STK32A: variants seen among roughly 807,000 people sequenced by gnomAD.
STK32A encodes the protein serine/threonine kinase 32A.
STK32A carries 41 observed loss-of-function variants against 53.2 expected under a neutral mutation model. The ratio of observed to expected loss-of-function variants is 0.77; its 90% CI spans 0.60 to 1.00. The LOEUF is 1.00. Ranked by LOEUF, STK32A falls within the 50% of genes least tolerant of loss-of-function variation. The pLI is 0.00. For synonymous variants in STK32A, 166 were observed against 162.8 expected (o/e 1.02, Z -0.15); for missense variants, 458 against 485.8 (o/e 0.94, Z 0.54).
intron 5 of STK32A, among the ~76,000 whole-genome samples, chr5:147,333,586 C>T (rs1477811371): frequency 2.0e-5 from 3 of 152,138 alleles, no homozygotes; most frequent in Admixed American, 6.5e-5. Flanking sequence ...ATGAAGATAG[C>T]TATACATACT....
chr5:147,359,720 C>T (rs1247359399), intron 7 of STK32A, among the ~76,000 whole-genome samples: 1 of 152,122 alleles, frequency 6.6e-6, no homozygotes, highest in Admixed American at 6.6e-5. Flanking sequence ...CATTACCTCC[C>T]AAATTGCACT....
chr5:147,282,882 G>T (rs1284158473), intron 4 of STK32A, among the ~76,000 whole-genome samples: 1 of 152,120 alleles, frequency 6.6e-6, no homozygotes, highest in Non-Finnish European at 1.5e-5. Context: ...CACTAGACAG[G>T]TCATCAAGAG....
At chr5:147,237,936 G>T (rs1423996229) in intron 1 of STK32A, among the ~76,000 whole-genome samples, 1 of 152,084 alleles carries the variant, frequency 6.6e-6, no homozygotes, top group African/African-American at 2.4e-5. Context: ...CACATGTAAA[G>T]AGCTCAGGAG....
chr5:147,335,581 A>T (rs926733109), intron 5 of STK32A, among the ~76,000 whole-genome samples: 34 of 152,308 alleles, frequency 2.2e-4, no homozygotes, highest in African/African-American at 8.2e-4. Flanking sequence ...AACTTTCCCC[A>T]GGACAGCAAG....
intron 4 of STK32A, among the ~76,000 whole-genome samples, chr5:147,295,048 T>G (rs1043307697): frequency 2.0e-5 from 3 of 152,240 alleles, no homozygotes; most frequent in African/African-American, 7.2e-5. Context: ...TAATTTACAG[T>G]GAAATCTGAG....
rs187882413 is a variant in STK32A at position 147,284,896 on chromosome 5, C to A, written c.260+5498C>A. On this transcript the variant is annotated intron_variant, in intron 4 of 12. Coordinates refer to ENST00000397936, the MANE Select transcript of STK32A (RefSeq NM_001112724.2). ...TACTGCCAAAAGCAATCTATAAATT[C>A]AATGCAATTTCCATCAAAATACCAC... 2.4e-4 allele frequency among the ~76,000 whole-genome samples: 37 copies of A among 152,124 alleles called. 1 individual carries two copies. The East Asian group carries it at 7.0e-3, about 29-fold the overall frequency.
Position 147,385,352 on chromosome 5 carries a change from T to C in STK32A, c.*1369T>C, listed in dbSNP as rs775237702. 1 of 152,164 alleles carries C rather than the reference T, an allele frequency of 6.6e-6. No homozygotes were observed. The highest frequency in any genetic ancestry group is 6.5e-5 in the Admixed American group (1 of 15,276). 9.4% of individuals were successfully genotyped at this position (152,164 alleles called of 1,614,324 possible). A position where few individuals can be genotyped will look rare whatever the true frequency, so the allele number is the denominator to read the frequency against. On this transcript the variant is annotated 3_prime_UTR_variant, in exon 13 of 13. Coordinates refer to ENST00000397936, the MANE Select transcript of STK32A (RefSeq NM_001112724.2). ...TAGGATTTTGCTAAGCTGGCCAGGT[T>C]GGTTTCAAACTCCTGGTCTCAAGTG...
intron 9 of STK32A, among the ~76,000 whole-genome samples, chr5:147,371,118 T>C (rs1442931532): frequency 6.6e-6 from 1 of 152,176 alleles, no homozygotes; most frequent in African/African-American, 2.4e-5. Flanking sequence ...CACCAGGTTC[T>C]GAAATTTTAT....
At chr5:147,329,562 T>A (rs1754760332) in intron 5 of STK32A, among the ~76,000 whole-genome samples, 1 of 152,210 alleles carries the variant, frequency 6.6e-6, no homozygotes, top group Non-Finnish European at 1.5e-5. Context: ...GGCTTTTAAA[T>A]GTTGTGGCAT....
intron 4 of STK32A, among the ~76,000 whole-genome samples, chr5:147,296,619 C>T (rs915885071): frequency 6.6e-6 from 1 of 152,054 alleles, no homozygotes; most frequent in Non-Finnish European, 1.5e-5. Context: ...AGCCTACTCG[C>T]CCACCTCCTG....
At chr5:147,392,892 A>G in the STK32A span, 2 of 152,228 alleles carry the variant, frequency 1.3e-5, no homozygotes, top group Non-Finnish European at 2.9e-5. Flanking sequence ...CCAGTTCCCC[A>G]CTTGACTTTC....
intron 2 of STK32A, among the ~76,000 whole-genome samples, chr5:147,254,083 A>G (rs955141772): frequency 1.3e-5 from 2 of 151,780 alleles, no homozygotes; most frequent in Non-Finnish European, 2.9e-5. Context: ...CTGTGTGCAA[A>G]TTTTCCTTCT....
At chr5:147,302,363 A>G (rs1223808926) in intron 4 of STK32A, among the ~76,000 whole-genome samples, 2 of 152,162 alleles carry the variant, frequency 1.3e-5, no homozygotes, top group Non-Finnish European at 2.9e-5. Context: ...GCCCCCCAGG[A>G]AACAGAATTC....
chr5:147,312,308 T>C (rs1410624751), intron 4 of STK32A, among the ~76,000 whole-genome samples: 2 of 152,166 alleles, frequency 1.3e-5, no homozygotes, highest in African/African-American at 4.8e-5. Flanking sequence ...TTTGCCATAT[T>C]GGCCATGCTT....
At chr5:147,305,716 G>C (rs766372643) in intron 4 of STK32A, among the ~76,000 whole-genome samples, 4 of 151,908 alleles carry the variant, frequency 2.6e-5, no homozygotes, top group Non-Finnish European at 4.4e-5. Flanking sequence ...ATAGTGTCTT[G>C]CCATTTCTGT....
downstream of STK32A, among the ~76,000 whole-genome samples, chr5:147,389,724 G>A (rs1317803790): frequency 6.6e-6 from 1 of 152,098 alleles, no homozygotes. Flanking sequence ...CAAAAAATTA[G>A]CCGGGTTGTG....
rs1757182536 is a variant in STK32A at position 147,375,179 on chromosome 5, A to T, written c.993A>T (p.Ala331=). The change falls in exon 11 of 13, where the codon GCA becomes GCT. Residue 331 remains alanine (A), a synonymous_variant. Transcript: ENST00000397936. ...KPLHKKKKRL[A]KKEKDMRKCD... ...TACATAAGAAAAAAAAGCGTCTGGC[A>T]AAGAAGGAGAAGGATATGAGGAAAT... The T allele has an allele frequency of 6.2e-7, 1 of 1,610,988 alleles. No individual in the cohort carries two copies. The highest frequency in any genetic ancestry group is 8.5e-7 in the Non-Finnish European group (1 of 1,178,580).
intron 8 of STK32A, among the ~76,000 whole-genome samples, chr5:147,362,461 C>G (rs565141302): frequency 1.3e-5 from 2 of 152,146 alleles, no homozygotes; most frequent in Non-Finnish European, 1.5e-5. Flanking sequence ...GGGACCTACC[C>G]CCATAAACTA....
At chr5:147,298,356 G>A (rs1327570823) in intron 4 of STK32A, among the ~76,000 whole-genome samples, 1 of 152,146 alleles carries the variant, frequency 6.6e-6, no homozygotes, top group Non-Finnish European at 1.5e-5. Context: ...GGTACTATTG[G>A]AAGTAAGTCT....
Sources: gnomAD v4.1 joint callset for allele counts (sites outside exome capture counted in the v4.1 genomes callset) on GRCh38, gnomAD v4.1.1 for gene constraint, MANE v1.5 for transcripts, NCBI Gene and HGNC (gene_info 2026-07-23, HGNC 2026-07-21) for gene names.